Variants in EPB41L3 observed in about 807,000 individuals in gnomAD.
The protein encoded by EPB41L3 is erythrocyte membrane protein band 4.1 like 3.
A neutral mutation model predicts 127.1 loss-of-function variants in EPB41L3; 57 were observed. That is an observed-to-expected ratio of 0.45 (90% CI 0.36 to 0.56). The LOEUF is 0.56. EPB41L3 is among the 20% of genes least tolerant of loss of function. EPB41L3 has a pLI of 0.00. For synonymous variants in EPB41L3, 572 were observed against 549.5 expected (o/e 1.04, Z -0.57); for missense variants, 1,273 against 1,372.2 (o/e 0.93, Z 1.14).
chr18:5,401,024 ATC>A (rs2074411620), intron 16 of EPB41L3: 1 of 1,534,748 alleles, frequency 6.5e-7, no homozygotes, highest in South Asian at 1.2e-5. Context: ...TTTTTCAGAA[ATC>A]TCTGTTTCTT....
chr18:5,411,322 A>G (rs2041855), intron 13 of EPB41L3, among the ~76,000 whole-genome samples: 123,736 of 152,178 alleles, frequency 0.81, 53,092 homozygotes, highest in Non-Finnish European at 0.95. Context: ...TAAAGTATGT[A>G]TTTGAACATC....
chr18:5,602,351 G>C (rs1344300579), intron 3 of EPB41L3, among the ~76,000 whole-genome samples: 2 of 152,140 alleles, frequency 1.3e-5, no homozygotes, highest in Non-Finnish European at 2.9e-5. Context: ...TGAGCACCTT[G>C]TGCCTACTTG....
chr18:5,446,495 T>C (rs1288110170), intron 3 of EPB41L3, among the ~76,000 whole-genome samples: 7 of 152,226 alleles, frequency 4.6e-5, no homozygotes, highest in African/African-American at 1.7e-4. Context: ...GCTACTAACA[T>C]TTTACATCTA....
At position 5,498,542 on chromosome 18, in the gene EPB41L3, C is replaced by T. The variant is rs191710226; in HGVS notation, c.-11-9348G>A. On this transcript the variant is annotated intron_variant, in intron 1 of 22. Coordinates refer to ENST00000341928, the MANE Select transcript of EPB41L3 (RefSeq NM_012307.5). ...CTGGGAGGTGGAGGTTGCAGTGAGC[C>T]GAGATAGCACCACTGAACTCCTGCC... 2.8e-3 allele frequency among the ~76,000 whole-genome samples: 371 copies of T among 132,952 alleles called. 5 individuals are homozygous for T. Among genetic ancestry groups the T allele is most frequent in the African/African-American group, 0.01 (362 of 34,742 alleles). 87.2% of individuals were successfully genotyped at this position (132,952 alleles called of 152,430 possible).
At chr18:5,435,127 GAA>G (rs1358978844) in intron 6 of EPB41L3, among the ~76,000 whole-genome samples, 2 of 152,110 alleles carry the variant, frequency 1.3e-5, no homozygotes, top group African/African-American at 4.8e-5. Flanking sequence ...TATAAAGAAA[GAA>G]AATATTTTTG....
chr18:5,452,905 A>G lies in EPB41L3; in HGVS notation c.382-7661T>C, dbSNP rs77446309. On this transcript the variant is annotated intron_variant, in intron 3 of 22. Coordinates refer to ENST00000341928, the MANE Select transcript of EPB41L3 (RefSeq NM_012307.5). ...AGAATGACCCTTAGTAGGTTAATAA[A>G]TGTCTTGATCTCCCCTTTTCTAATA... is the stretch of plus-strand genomic sequence containing the variant. Among the ~76,000 whole-genome samples, 13 of 152,260 alleles carry G rather than the reference A, an allele frequency of 8.5e-5. No individual in the cohort carries two copies. The East Asian group carries it at 2.5e-3, about 30-fold the overall frequency.
chr18:5,533,642 C>T (rs1598743082), intron 1 of EPB41L3, among the ~76,000 whole-genome samples: 1 of 152,268 alleles, frequency 6.6e-6, no homozygotes, highest in East Asian at 1.9e-4. Context: ...TTCTTCAAGG[C>T]CATTTTACTC....
intron 1 of EPB41L3, among the ~76,000 whole-genome samples, chr18:5,529,928 A>ATG (rs10611279): frequency 0.032 from 4,681 of 146,858 alleles, 101 homozygotes; most frequent in East Asian, 0.11. Context: ...CAACTCATAT[A>ATG]TGTGTGTGTG....
intron 12 of EPB41L3, 56 bp from the exon 13 acceptor site, chr18:5,416,434 C>T: frequency 6.7e-7 from 1 of 1,503,446 alleles, no homozygotes; most frequent in East Asian, 2.3e-5. Context: ...TGCAAAAGGA[C>T]AAAAAGAAAA....
intron 1 of EPB41L3, among the ~76,000 whole-genome samples, chr18:5,538,248 A>G (rs1544242): frequency 0.2 from 30,834 of 152,186 alleles, 3,372 homozygotes; most frequent in African/African-American, 0.28. Flanking sequence ...ACTGCTGTCT[A>G]TGCTTTTCCA....
chr18:5,485,940 T>C (rs1007830660), intron 2 of EPB41L3, among the ~76,000 whole-genome samples: 18 of 149,308 alleles, frequency 1.2e-4, no homozygotes, highest in East Asian at 5.8e-4. Context: ...TCAATGTAAA[T>C]TGAATGTAAC....
intron 18 of EPB41L3, among the ~76,000 whole-genome samples, chr18:5,396,615 C>A (rs777521795): frequency 1.3e-4 from 20 of 152,118 alleles, no homozygotes; most frequent in Non-Finnish European, 2.6e-4. Flanking sequence ...AATAATGAGA[C>A]ATTAACTCCC....
At chr18:5,439,868 TG>T (rs1455077567) in intron 5 of EPB41L3, among the ~76,000 whole-genome samples, 1 of 152,258 alleles carries the variant, frequency 6.6e-6, no homozygotes, top group Admixed American at 6.5e-5. Context: ...GGATTAGTTA[TG>T]GGAAATGGAT....
Position 5,397,363 on chromosome 18 carries a change from G to A in EPB41L3, c.2536C>T (p.Leu846Phe), listed in dbSNP as rs541462237. 1.9e-6 allele frequency: 3 copies of A among 1,614,012 alleles called. No homozygotes were observed. Among genetic ancestry groups the A allele is most frequent in the East Asian group, 4.5e-5 (2 of 44,868 alleles). The stretch of plus-strand genomic sequence containing the variant: ...TCCTGCACCACCTTCTCAGTGCTAA[G>A]CGGCAGGTGGTGCACGGTGGGTTCC... ...ETEPTVHHLP[L>F]STEKVVQETV... Residue 846 changes from leucine (L) to phenylalanine (F), a missense_variant, in exon 18 of 23, where the codon CTT becomes TTT. Around this residue, in one of 3 missense-constraint regions of EPB41L3, gnomAD observed 765 missense variants for 782.9 expected, o/e 0.98. Transcript: ENST00000341928. This position sits in a 1 kb window ranked among gnomAD's most constrained non-coding sequence, Gnocchi z 4.1.
chr18:5,576,385 C>T (rs1214066657), intron 3 of EPB41L3, among the ~76,000 whole-genome samples: 2 of 152,158 alleles, frequency 1.3e-5, no homozygotes, highest in Non-Finnish European at 2.9e-5. Flanking sequence ...CAGACATTGA[C>T]CCTCGTCCCT....
intron 1 of EPB41L3, among the ~76,000 whole-genome samples, chr18:5,515,747 T>C (rs913626859): frequency 2.0e-5 from 3 of 152,194 alleles, no homozygotes; most frequent in Admixed American, 1.3e-4. Context: ...AAGCTTTAAA[T>C]TGGAGTAACT....
intron 3 of EPB41L3, among the ~76,000 whole-genome samples, chr18:5,468,382 G>A (rs74742309): frequency 6.6e-6 from 1 of 152,140 alleles, no homozygotes; most frequent in South Asian, 2.1e-4. Flanking sequence ...TGGAGTCCGC[G>A]GCCCCCTGAG....
At chr18:5,407,212 C>A in intron 15 of EPB41L3, 1 of 529,960 alleles carries the variant, frequency 1.9e-6, no homozygotes, top group Non-Finnish European at 3.4e-6. Flanking sequence ...AGAAGGCAAA[C>A]TATAAAGAGT....
At chr18:5,446,384 T>A (rs2081478916) in intron 3 of EPB41L3, among the ~76,000 whole-genome samples, 1 of 152,228 alleles carries the variant, frequency 6.6e-6, no homozygotes, top group Admixed American at 6.5e-5. Context: ...TTGTGACGTA[T>A]CATTTTTTCA....
Sources: allele counts gnomAD v4.1 joint callset (sites outside exome capture counted in the v4.1 genomes callset), GRCh38; gene constraint gnomAD v4.1.1; regional missense constraint gnomAD v4.1.1; non-coding constraint Gnocchi (gnomAD v3.1); transcripts MANE v1.5; gene names NCBI Gene and HGNC (gene_info 2026-07-23, HGNC 2026-07-21).